The following OXR1 variants were observed in gnomAD, a reference collection of about 807,000 sequenced individuals.
The protein encoded by OXR1 is oxidation resistance 1.
In OXR1, 41 loss-of-function variants were observed where a neutral mutation model predicts 104.6. The observed-to-expected ratio is 0.39, with a 90% CI of 0.31 to 0.51. OXR1 has a LOEUF of 0.51. OXR1 is among the 20% of genes least tolerant of loss of function. The pLI is 0.77. For missense variants in OXR1, 955 were observed against 1,031.9 expected, an observed-to-expected ratio of 0.93 and a Z score of 1.02; for synonymous variants, 348 against 348.4, an observed-to-expected ratio of 1.00 and a Z score of 0.01.
intron 2 of OXR1, among the ~76,000 whole-genome samples, chr8:106,381,678 A>T (rs1817155470): frequency 6.6e-6 from 1 of 152,154 alleles, no homozygotes; most frequent in Admixed American, 6.5e-5. Context: ...CCCTCTTCTA[A>T]TATATTTATC....
chr8:106,504,164 A>C, intron 2 of OXR1, among the ~76,000 whole-genome samples: 1 of 152,198 alleles, frequency 6.6e-6, no homozygotes, highest in East Asian at 1.9e-4. Context: ...TGCAGGAATG[A>C]TTCTCAGCTT....
intron 1 of OXR1, among the ~76,000 whole-genome samples, chr8:106,274,753 T>C (rs1811967873): frequency 6.6e-6 from 1 of 152,226 alleles, no homozygotes; most frequent in East Asian, 1.9e-4. Flanking sequence ...TCTCTGCTTC[T>C]ATATTTACTG....
At chr8:106,349,791 G>T (rs1368320864) in intron 1 of OXR1, among the ~76,000 whole-genome samples, 1 of 152,116 alleles carries the variant, frequency 6.6e-6, no homozygotes, top group Non-Finnish European at 1.5e-5. Flanking sequence ...GCAGGCAAAG[G>T]GAATAACACG....
intron 3 of OXR1, among the ~76,000 whole-genome samples, chr8:106,573,559 A>G (rs1204887336): frequency 6.6e-6 from 1 of 152,212 alleles, no homozygotes; most frequent in Non-Finnish European, 1.5e-5. Flanking sequence ...GAAAGACATG[A>G]TTTGAAGAAT....
intron 2 of OXR1, among the ~76,000 whole-genome samples, chr8:106,484,154 A>ATATTT (rs1822304319): frequency 6.6e-6 from 1 of 152,146 alleles, no homozygotes; most frequent in Non-Finnish European, 1.5e-5. Context: ...AAAGACTGGG[A>ATATTT]GAAAATATTT....
chr8:106,513,548 A>G (rs1006296467), intron 2 of OXR1, among the ~76,000 whole-genome samples: 2 of 152,138 alleles, frequency 1.3e-5, no homozygotes, highest in Non-Finnish European at 2.9e-5. Context: ...TTCTCTTGTT[A>G]TCCTTCACTC....
chr8:106,697,516 T>G, intron 7 of OXR1: 1 of 1,610,834 alleles, frequency 6.2e-7, no homozygotes, highest in African/African-American at 1.3e-5. Context: ...CTCTTGCAGC[T>G]GGTTATCCGA....
intron 6 of OXR1, among the ~76,000 whole-genome samples, chr8:106,688,111 G>T (rs1828923912): frequency 6.6e-6 from 1 of 151,894 alleles, no homozygotes; most frequent in Admixed American, 6.6e-5. Flanking sequence ...GTACACCTTT[G>T]GTTTTTCTCC....
intron 3 of OXR1, among the ~76,000 whole-genome samples, chr8:106,523,269 G>C (rs1382994270): frequency 6.6e-6 from 1 of 152,128 alleles, no homozygotes; most frequent in Non-Finnish European, 1.5e-5. Flanking sequence ...GGATCACCCA[G>C]GTAATTTTTC....
chr8:106,736,226 G>A (rs1022555121), intron 11 of OXR1, among the ~76,000 whole-genome samples: 1 of 149,308 alleles, frequency 6.7e-6, no homozygotes, highest in Non-Finnish European at 1.5e-5. Context: ...TAAGTACAGA[G>A]TCAGCTAACA....
At chr8:106,386,844 A>T (rs1304000920) in intron 2 of OXR1, among the ~76,000 whole-genome samples, 1 of 152,206 alleles carries the variant, frequency 6.6e-6, no homozygotes, top group Admixed American at 6.5e-5. Flanking sequence ...AGAGCTAAGG[A>T]GATAGTCTTC....
At chr8:106,557,853 T>C (rs73699586) in intron 3 of OXR1, among the ~76,000 whole-genome samples, 4,720 of 152,290 alleles carry the variant, frequency 0.031, 131 homozygotes, top group African/African-American at 0.073. Context: ...TTGTTCCTTT[T>C]GTTTTTATTT....
intron 1 of OXR1, among the ~76,000 whole-genome samples, chr8:106,325,147 A>G (rs915640120): frequency 6.6e-6 from 1 of 152,200 alleles, no homozygotes; most frequent in Non-Finnish European, 1.5e-5. Context: ...AGAATTTTTT[A>G]TTTCACAGAA....
intron 3 of OXR1, among the ~76,000 whole-genome samples, chr8:106,650,561 G>C (rs1310099425): frequency 3.9e-5 from 6 of 152,162 alleles, no homozygotes; most frequent in Non-Finnish European, 5.9e-5. Context: ...CTACAAGATA[G>C]AATGGGCTTA....
chr8:106,452,976 C>T lies in OXR1; in HGVS notation c.24-65967C>T, dbSNP rs191093275. On this transcript the variant is annotated intron_variant, in intron 2 of 16. Coordinates refer to ENST00000517566, the MANE Select transcript of OXR1 (RefSeq NM_001198533.2). ...ATAGGCATCTTGTACTAAGCCATAG[C>T]CATATATTGAAAATTGCCCCAAATG... Among the ~76,000 whole-genome samples, 768 of 152,204 alleles carry T rather than the reference C, an allele frequency of 5.0e-3. 28 individuals carry two copies. The highest frequency in any genetic ancestry group is 0.045 in the Admixed American group (692 of 15,278).
At chr8:106,666,812 A>G (rs181141637) in intron 3 of OXR1, among the ~76,000 whole-genome samples, 52 of 152,272 alleles carry the variant, frequency 3.4e-4, no homozygotes, top group Admixed American at 5.9e-4. Flanking sequence ...TTCCTGCTAC[A>G]CTGACCTTAA....
chr8:106,576,283 A>G (rs1817825140), intron 3 of OXR1, among the ~76,000 whole-genome samples: 1 of 151,814 alleles, frequency 6.6e-6, no homozygotes, highest in African/African-American at 2.4e-5. Flanking sequence ...CAGTAAGATT[A>G]TTTTCTGTAT....
intron 2 of OXR1, among the ~76,000 whole-genome samples, chr8:106,493,109 A>G (rs1811204139): frequency 6.6e-6 from 1 of 152,138 alleles, no homozygotes; most frequent in African/African-American, 2.4e-5. Flanking sequence ...ATAAATTATT[A>G]TACATTCTTA....
At chr8:106,582,406 CA>C (rs1481038283) in intron 3 of OXR1, among the ~76,000 whole-genome samples, 13 of 151,894 alleles carry the variant, frequency 8.6e-5, no homozygotes, top group African/African-American at 3.1e-4. Context: ...CTGGGGACAA[CA>C]AGGTTTTTCT....
Sources: gnomAD v4.1 joint callset for allele counts (sites outside exome capture counted in the v4.1 genomes callset) on GRCh38, gnomAD v4.1.1 for gene constraint, MANE v1.5 for transcripts, NCBI Gene and HGNC (gene_info 2026-07-23, HGNC 2026-07-21) for gene names.